Variants in CCDC138 observed in about 807,000 individuals in gnomAD.
CCDC138 encodes the protein coiled-coil domain containing 138, also known as coiled-coil domain-containing protein 138.
Under a neutral mutation model 82.3 loss-of-function variants are expected in CCDC138, and 66 were observed. The observed-to-expected ratio is 0.80, with a 90% CI of 0.66 to 0.98. The LOEUF (loss-of-function observed/expected upper bound fraction) is 0.98. CCDC138 is among the 50% of genes least tolerant of loss of function. The pLI, the probability that CCDC138 is intolerant of heterozygous loss-of-function variation, is 0.00. For missense variants in CCDC138, 816 were observed against 758.9 expected, an observed-to-expected ratio of 1.08 and a Z score of -0.88; for synonymous variants, 297 against 265.4, an observed-to-expected ratio of 1.12 and a Z score of -1.16.
In CCDC138 at chr2:108,794,774, C is replaced by T. The variant is rs1465891202; in HGVS notation, c.576+53C>T. 26 of 1,340,870 alleles carry T rather than the reference C, an allele frequency of 1.9e-5. No homozygotes were observed. The South Asian group carries it at 3.5e-4, about 18-fold the overall frequency. The allele number at this position is 1,340,870 out of a possible 1,614,324, so 83.1% of individuals were successfully genotyped here. ...TCAGAAATATTTATGTTCTAAGAAC[C>T]AAGCATTTACGAAATTTGAATATAA... is the stretch of plus-strand genomic sequence containing the variant. On this transcript the variant is annotated intron_variant, in intron 5 of 14. Transcript: ENST00000295124.
intron 10 of CCDC138, among the ~76,000 whole-genome samples, chr2:108,833,963 G>T (rs1688157944): frequency 6.9e-6 from 1 of 145,296 alleles, no homozygotes; most frequent in Non-Finnish European, 1.5e-5. Context: ...AGCCAGGATG[G>T]TCTCTATCTC....
intron 13 of CCDC138, 67 bp from the exon 14 acceptor site, chr2:108,873,384 T>A (rs1209723623): frequency 7.3e-7 from 1 of 1,366,986 alleles, no homozygotes; most frequent in African/African-American, 1.5e-5. Context: ...AGTTCTGATT[T>A]TAATTTGTTT....
intron 12 of CCDC138, among the ~76,000 whole-genome samples, chr2:108,851,274 T>C (rs1691444147): frequency 6.6e-6 from 1 of 152,036 alleles, no homozygotes; most frequent in Admixed American, 6.6e-5. Context: ...TCTGAACCCA[T>C]TTCTCTGGGG....
chr2:108,875,732 G>A (rs192754578), intron 14 of CCDC138, among the ~76,000 whole-genome samples: 112 of 152,216 alleles, frequency 7.4e-4, no homozygotes, highest in African/African-American at 2.5e-3. Context: ...GGTGATGTGC[G>A]CCTGTAGTCC....
chr2:108,872,621 G>T (rs563734292), intron 13 of CCDC138, among the ~76,000 whole-genome samples: 2 of 152,042 alleles, frequency 1.3e-5, no homozygotes, highest in African/African-American at 4.8e-5. Context: ...GGCATCTTGC[G>T]AGGGCTTCTT....
intron 7 of CCDC138, among the ~76,000 whole-genome samples, chr2:108,805,844 GA>G (rs2149698890): frequency 6.6e-6 from 1 of 152,236 alleles, no homozygotes; most frequent in Non-Finnish European, 1.5e-5. Flanking sequence ...AGAAAGATGT[GA>G]AAGTAAAGGA....
At chr2:108,793,890 C>T (rs1330753448) in intron 4 of CCDC138, among the ~76,000 whole-genome samples, 2 of 151,908 alleles carry the variant, frequency 1.3e-5, no homozygotes, top group Non-Finnish European at 2.9e-5. Flanking sequence ...GCGTGAGCCA[C>T]CGCGCCCTGC....
intron 2 of CCDC138, among the ~76,000 whole-genome samples, chr2:108,788,401 C>G (rs558376320): frequency 2.8e-5 from 4 of 142,292 alleles, no homozygotes; most frequent in Non-Finnish European, 6.1e-5. Flanking sequence ...GCCTGGGCAA[C>G]AAGAGCGAAA....
rs201184992 is a variant in CCDC138, at chr2:108,793,400, GAAAAT to G, written c.395-1136_395-1132del. ...GCATTTTATACTCTAATTGTTAAAA[GAAAAT>G]AAATTCTGACAGTATAGTGCTGGCA... is the stretch of plus-strand genomic sequence containing the variant. On this transcript the variant is annotated intron_variant, in intron 4 of 14. Transcript: ENST00000295124. Among the ~76,000 whole-genome samples, 933 of 152,134 alleles carry G rather than the reference GAAAAT, an allele frequency of 6.1e-3. 13 individuals are homozygous for G. Among genetic ancestry groups the G allele is most frequent in the African/African-American group, 0.021 (870 of 41,528 alleles).
At chr2:108,793,026 T>C (rs1180107042) in intron 4 of CCDC138, among the ~76,000 whole-genome samples, 1 of 150,790 alleles carries the variant, frequency 6.6e-6, no homozygotes, top group Non-Finnish European at 1.5e-5. Context: ...ACTGTGCCAC[T>C]GCACTCCAGT....
chr2:108,862,601 G>A (rs1408300812), intron 13 of CCDC138, among the ~76,000 whole-genome samples: 1 of 151,970 alleles, frequency 6.6e-6, no homozygotes, highest in African/African-American at 2.4e-5. Context: ...TATGTTATTT[G>A]GTTTGATTTA....
intron 7 of CCDC138, among the ~76,000 whole-genome samples, chr2:108,811,247 C>CTTTTTTTTTT (rs55661786): frequency 8.8e-6 from 1 of 113,906 alleles, no homozygotes; most frequent in African/African-American, 3.8e-5. Context: ...TTCTCTCTCT[C>CTTTTTTTTTT]TTTTTTTTTT....
In CCDC138 at chr2:108,826,348, T is replaced by G. The variant is rs150160995; in HGVS notation, c.1206+10243T>G. Among the ~76,000 whole-genome samples the G allele has an allele frequency of 5.0e-3, 759 of 152,278 alleles. 3 individuals are homozygous for G. The highest frequency in any genetic ancestry group is 0.021 in the South Asian group (102 of 4,830). On this transcript the variant is annotated intron_variant, in intron 10 of 14. Transcript: ENST00000295124. ...TTGCCAAATCCAGATCCACAAAGAT[T>G]TATCTGTATGTTTTCTTTCAAGAGT...
chr2:108,853,046 G>A (rs535256771), intron 12 of CCDC138, among the ~76,000 whole-genome samples: 3 of 151,952 alleles, frequency 2.0e-5, no homozygotes, highest in East Asian at 1.9e-4. Flanking sequence ...ATAACCTTTC[G>A]TGAGATCTAC....
intron 10 of CCDC138, among the ~76,000 whole-genome samples, chr2:108,828,206 A>G (rs1686969170): frequency 6.6e-6 from 1 of 152,228 alleles, no homozygotes; most frequent in Non-Finnish European, 1.5e-5. Flanking sequence ...GAAACCATAG[A>G]AAACCCAAAA....
chr2:108,844,938 G>T (rs1418700389), intron 11 of CCDC138, among the ~76,000 whole-genome samples: 1 of 151,956 alleles, frequency 6.6e-6, no homozygotes, highest in Non-Finnish European at 1.5e-5. Flanking sequence ...AGTAGAGACG[G>T]GGTTTCACCA....
intron 14 of CCDC138, among the ~76,000 whole-genome samples, chr2:108,875,334 AAAG>A (rs561687816): frequency 0.015 from 1,359 of 93,050 alleles, 27 homozygotes; most frequent in Middle Eastern, 0.067. Flanking sequence ...AAAAAAAAAA[AAAG>A]AAACAAATTC....
intron 3 of CCDC138, among the ~76,000 whole-genome samples, chr2:108,791,338 TTATGTA>T (rs1679871876): frequency 6.6e-6 from 1 of 152,168 alleles, no homozygotes; most frequent in South Asian, 2.1e-4. Flanking sequence ...TTTAGTTTAC[TTATGTA>T]TATTATTTTA....
chr2:108,806,307 TG>T (rs1682873781), intron 7 of CCDC138, among the ~76,000 whole-genome samples: 1 of 152,244 alleles, frequency 6.6e-6, no homozygotes, highest in Non-Finnish European at 1.5e-5. Context: ...GATAAACTGT[TG>T]CCCATACCTA....
Sources: gnomAD v4.1 joint callset for allele counts (sites outside exome capture counted in the v4.1 genomes callset) on GRCh38, gnomAD v4.1.1 for gene constraint, MANE v1.5 for transcripts, NCBI Gene and HGNC (gene_info 2026-07-23, HGNC 2026-07-21) for gene names.